CLYBL: variants seen among roughly 807,000 people sequenced by gnomAD.
CLYBL encodes the protein citramalyl-CoA lyase, mitochondrial.
In CLYBL, 31 loss-of-function variants were observed where a neutral mutation model predicts 38.9. The observed-to-expected ratio is 0.80, with a 90% CI of 0.60 to 1.08. The LOEUF (loss-of-function observed/expected upper bound fraction) is 1.08, where lower values mean the gene tolerates loss of function less well. Ranked by LOEUF, CLYBL falls within the 50% of genes least tolerant of loss-of-function variation. The pLI is 0.00. For synonymous variants in CLYBL, 171 were observed against 158.6 expected, an observed-to-expected ratio of 1.08 and a Z score of -0.59; for missense variants, 434 against 411.6, an observed-to-expected ratio of 1.05 and a Z score of -0.47.
intron 1 of CLYBL, among the ~76,000 whole-genome samples, chr13:99,715,085 A>G (rs978113929): frequency 6.6e-6 from 1 of 152,206 alleles, no homozygotes; most frequent in Non-Finnish European, 1.5e-5. Flanking sequence ...ACCACATATC[A>G]GTGTCTGTAG....
intron 2 of CLYBL, among the ~76,000 whole-genome samples, chr13:99,780,100 A>G (rs1436601761): frequency 6.6e-6 from 1 of 152,194 alleles, no homozygotes. Context: ...TCTATTCTCC[A>G]ATAGAAAATT....
At chr13:99,711,007 C>A (rs963065097) in intron 1 of CLYBL, among the ~76,000 whole-genome samples, 1 of 151,118 alleles carries the variant, frequency 6.6e-6, no homozygotes, top group African/African-American at 2.4e-5. Flanking sequence ...CATGCCTCAG[C>A]CTCCTGAGTA....
intron 1 of CLYBL, among the ~76,000 whole-genome samples, chr13:99,762,118 CTCA>C (rs2049177823): frequency 6.6e-6 from 1 of 152,096 alleles, no homozygotes; most frequent in Admixed American, 6.6e-5. Flanking sequence ...AGCAGATTGT[CTCA>C]TCATTTTTTT....
chr13:99,795,852 G>A (rs1031848119), intron 2 of CLYBL, among the ~76,000 whole-genome samples: 9 of 152,154 alleles, frequency 5.9e-5, no homozygotes, highest in Admixed American at 3.9e-4. Context: ...AACACCAATA[G>A]GCATTCTGCT....
chr13:99,730,808 C>G (rs1377855937), intron 1 of CLYBL, among the ~76,000 whole-genome samples: 1 of 152,114 alleles, frequency 6.6e-6, no homozygotes, highest in Non-Finnish European at 1.5e-5. Context: ...TTGGGCCAGG[C>G]ACGGTGGCTC....
At chr13:99,615,983 A>G (rs1000375570) in intron 1 of CLYBL, among the ~76,000 whole-genome samples, 1 of 151,982 alleles carries the variant, frequency 6.6e-6, no homozygotes, top group African/African-American at 2.4e-5. Flanking sequence ...ACAGGTGCAC[A>G]CCACCACGCA....
chr13:99,813,674 G>C (rs905815222), intron 2 of CLYBL, among the ~76,000 whole-genome samples: 1 of 152,154 alleles, frequency 6.6e-6, no homozygotes, highest in Non-Finnish European at 1.5e-5. Flanking sequence ...ATAGCGACAG[G>C]CTTGTCACAC....
At chr13:99,767,926 G>T (rs959200226) in intron 1 of CLYBL, among the ~76,000 whole-genome samples, 1 of 152,046 alleles carries the variant, frequency 6.6e-6, no homozygotes, top group African/African-American at 2.4e-5. Context: ...TTGCCATCAG[G>T]TCTCTTTCAG....
At chr13:99,783,474 T>C (rs79318672) in intron 2 of CLYBL, among the ~76,000 whole-genome samples, 2 of 139,978 alleles carry the variant, frequency 1.4e-5, no homozygotes, top group African/African-American at 5.5e-5. Context: ...TTTTTTTTTT[T>C]GAGACGGAGT....
At chr13:99,774,904 G>T (rs1015795769) in intron 2 of CLYBL, among the ~76,000 whole-genome samples, 1 of 152,128 alleles carries the variant, frequency 6.6e-6, no homozygotes, top group Admixed American at 6.5e-5. Context: ...TCCAAGATTC[G>T]ATGCTAACTT....
At chr13:99,853,901 G>A (rs2051392328) in intron 2 of CLYBL, among the ~76,000 whole-genome samples, 1 of 152,152 alleles carries the variant, frequency 6.6e-6, no homozygotes, top group African/African-American at 2.4e-5. Flanking sequence ...AGATGCTCCT[G>A]GGGCCTTCTG....
chr13:99,645,025 G>A (rs577963317), intron 1 of CLYBL, among the ~76,000 whole-genome samples: 53 of 152,292 alleles, frequency 3.5e-4, no homozygotes, highest in Non-Finnish European at 6.0e-4. Context: ...TTTCTTTTGG[G>A]TATATACCTA....
intron 2 of CLYBL, among the ~76,000 whole-genome samples, chr13:99,784,545 C>T (rs1020149850): frequency 2.0e-5 from 3 of 147,646 alleles, no homozygotes; most frequent in African/African-American, 7.5e-5. Flanking sequence ...ACCTCTACCT[C>T]CTGGGTTCAA....
intron 2 of CLYBL, among the ~76,000 whole-genome samples, chr13:99,847,459 C>A (rs568407996): frequency 2.0e-5 from 3 of 152,150 alleles, no homozygotes. Context: ...ATAAATATAG[C>A]GAGTTAAGAG....
chr13:99,757,044 G>A (rs191669434), intron 1 of CLYBL, among the ~76,000 whole-genome samples: 122 of 151,990 alleles, frequency 8.0e-4, no homozygotes, highest in Non-Finnish European at 1.4e-3. Flanking sequence ...CCATAAGCTT[G>A]CACCACCACA....
downstream of CLYBL, among the ~76,000 whole-genome samples, chr13:99,900,471 C>T (rs989171068): frequency 7.2e-5 from 11 of 152,098 alleles, no homozygotes; most frequent in Admixed American, 2.0e-4. Flanking sequence ...TTGTCCCGTC[C>T]CCTGATCTTG....
intron 1 of CLYBL, among the ~76,000 whole-genome samples, chr13:99,660,288 A>G (rs2047390093): frequency 6.6e-6 from 1 of 152,226 alleles, no homozygotes; most frequent in Non-Finnish European, 1.5e-5. Flanking sequence ...TGTTTGGGAA[A>G]GGCAATTGAA....
chr13:99,691,506 G>A (rs1030467162), intron 1 of CLYBL, among the ~76,000 whole-genome samples: 2 of 151,798 alleles, frequency 1.3e-5, no homozygotes, highest in Admixed American at 1.3e-4. Flanking sequence ...TCATGAAATG[G>A]GACCCGAAAG....
chr13:99,761,439 A>G (rs1417628780), intron 1 of CLYBL, among the ~76,000 whole-genome samples: 1 of 152,226 alleles, frequency 6.6e-6, no homozygotes, highest in African/African-American at 2.4e-5. Flanking sequence ...TTTGTCTTTC[A>G]GTGCTTGGCT....
Sources: allele counts gnomAD v4.1 joint callset (sites outside exome capture counted in the v4.1 genomes callset), GRCh38; gene constraint gnomAD v4.1.1; transcripts MANE v1.5; gene names NCBI Gene and HGNC (gene_info 2026-07-23, HGNC 2026-07-21).